Variants in DNM3 observed in about 807,000 individuals in gnomAD.
DNM3 encodes dynamin-3.
A neutral mutation model predicts 101.6 loss-of-function variants in DNM3; 47 were observed. That is an observed-to-expected ratio of 0.46 (90% confidence interval 0.37 to 0.59). DNM3 has a LOEUF of 0.59. Ranked by LOEUF, DNM3 falls within the 20% of genes least tolerant of loss-of-function variation. The pLI, the probability that DNM3 is intolerant of heterozygous loss-of-function variation, is 0.00. For missense variants in DNM3, 849 were observed against 1,085.7 expected, an observed-to-expected ratio of 0.78 and a Z score of 3.06; for synonymous variants, 385 against 387.9, an observed-to-expected ratio of 0.99 and a Z score of 0.09.
intron 2 of DNM3, among the ~76,000 whole-genome samples, chr1:171,976,506 G>C (rs1288657729): frequency 6.6e-6 from 1 of 152,154 alleles, no homozygotes; most frequent in Non-Finnish European, 1.5e-5. Flanking sequence ...CATGAGAACA[G>C]AATAGGAAAG....
chr1:172,053,065 G>A (rs1031245477), intron 10 of DNM3, among the ~76,000 whole-genome samples: 2 of 151,998 alleles, frequency 1.3e-5, no homozygotes, highest in African/African-American at 2.4e-5. Flanking sequence ...ATACAGCTAT[G>A]CCTTTTGCCT....
chr1:172,092,789 G>A (rs776942657), intron 12 of DNM3, 35 bp from the exon 13 acceptor site: 19 of 1,533,118 alleles, frequency 1.2e-5, no homozygotes, highest in Middle Eastern at 1.7e-4. Context: ...AATTATATGT[G>A]TCTCTTCAGT....
intron 15 of DNM3, among the ~76,000 whole-genome samples, chr1:172,263,244 TA>T (rs2062734475): frequency 6.6e-6 from 1 of 152,192 alleles, no homozygotes; most frequent in Non-Finnish European, 1.5e-5. Flanking sequence ...ACAAACTGAT[TA>T]GAGAGAAATA....
chr1:172,251,348 GAAATATCCATGATATACTTTTT>G (rs2062163344), intron 14 of DNM3, among the ~76,000 whole-genome samples: 2 of 17,446 alleles, frequency 1.1e-4, no homozygotes, highest in Non-Finnish European at 4.1e-4. Flanking sequence ...AGACTTTTTA[GAAATATCCATGATATACTTTTT>G]TATTGCCTAG....
intron 10 of DNM3, among the ~76,000 whole-genome samples, chr1:172,062,593 G>T (rs539587233): frequency 6.6e-6 from 1 of 152,210 alleles, no homozygotes; most frequent in African/African-American, 2.4e-5. Context: ...GAGAAGGTGG[G>T]CTAACACTAG....
intron 1 of DNM3, among the ~76,000 whole-genome samples, chr1:171,918,472 A>G (rs2039897842): frequency 6.6e-6 from 1 of 152,242 alleles, no homozygotes. Flanking sequence ...CTGGACCATC[A>G]GAAGGAGACA....
intron 17 of DNM3, among the ~76,000 whole-genome samples, chr1:172,362,829 A>C (rs1021401463): frequency 9.9e-5 from 15 of 151,532 alleles, no homozygotes; most frequent in African/African-American, 3.6e-4. Context: ...AGATTCTTCC[A>C]TCATTCAGAC....
intron 10 of DNM3, among the ~76,000 whole-genome samples, chr1:172,054,824 T>TG (rs1236909966): frequency 6.6e-6 from 1 of 151,824 alleles, no homozygotes; most frequent in South Asian, 2.1e-4. Flanking sequence ...CCAATCATGG[T>TG]GGGGGGTGCC....
intron 10 of DNM3, among the ~76,000 whole-genome samples, chr1:172,052,270 G>T (rs902135476): frequency 1.3e-4 from 20 of 152,048 alleles, no homozygotes; most frequent in Non-Finnish European, 1.5e-5. Flanking sequence ...TCAAGGGGGT[G>T]GGGGGTGGTT....
chr1:172,381,739 T>G (rs2068919500), intron 18 of DNM3, among the ~76,000 whole-genome samples: 1 of 152,200 alleles, frequency 6.6e-6, no homozygotes, highest in African/African-American at 2.4e-5. Flanking sequence ...ATGAAAGAAC[T>G]AATAATAAAA....
chr1:172,296,553 C>T (rs2064171403), intron 15 of DNM3, among the ~76,000 whole-genome samples: 1 of 152,188 alleles, frequency 6.6e-6, no homozygotes, highest in Non-Finnish European at 1.5e-5. Context: ...CAGAAAGAGA[C>T]TTCTGACTAT....
chr1:172,336,072 G>A (rs935182922), intron 17 of DNM3, among the ~76,000 whole-genome samples: 9 of 152,096 alleles, frequency 5.9e-5, no homozygotes, highest in African/African-American at 1.2e-4. Flanking sequence ...TGTCACAGCC[G>A]GGTTGGGGGT....
chr1:172,067,231 T>C (rs1172381520), intron 10 of DNM3, among the ~76,000 whole-genome samples: 7 of 152,218 alleles, frequency 4.6e-5, no homozygotes, highest in African/African-American at 1.4e-4. Flanking sequence ...TTAAATCATA[T>C]TCTTTGCCTA....
chr1:171,956,264 T>G (rs777971657), intron 2 of DNM3, among the ~76,000 whole-genome samples: 12 of 152,092 alleles, frequency 7.9e-5, no homozygotes, highest in Non-Finnish European at 1.3e-4. Context: ...GCCTGTAAAA[T>G]CAAAAGTAAG....
chr1:172,366,273 C>T (rs574065060), intron 17 of DNM3, among the ~76,000 whole-genome samples: 3 of 151,822 alleles, frequency 2.0e-5, no homozygotes, highest in African/African-American at 7.3e-5. Context: ...GTATTCCTTG[C>T]TTTTGAAAAA....
intron 20 of DNM3, among the ~76,000 whole-genome samples, chr1:172,407,483 T>C (rs1365595291): frequency 1.3e-5 from 2 of 152,074 alleles, no homozygotes; most frequent in Admixed American, 6.6e-5. Flanking sequence ...GGCTAAGATA[T>C]GTGCAGTACG....
intron 13 of DNM3, among the ~76,000 whole-genome samples, chr1:172,125,714 A>G (rs1342145906): frequency 6.6e-6 from 1 of 152,186 alleles, no homozygotes; most frequent in Non-Finnish European, 1.5e-5. Context: ...TAGTCATGTA[A>G]TTATGGGTTT....
chr1:171,998,992 T>G (rs1572021329), intron 4 of DNM3, among the ~76,000 whole-genome samples: 1 of 151,970 alleles, frequency 6.6e-6, no homozygotes, highest in Admixed American at 6.6e-5. Context: ...TCATGTGGGG[T>G]TTTGTAGATC....
intron 2 of DNM3, among the ~76,000 whole-genome samples, chr1:171,985,628 AAGAT>A (rs1204952429): frequency 1.3e-5 from 2 of 152,236 alleles, no homozygotes; most frequent in African/African-American, 4.8e-5. Context: ...TGGAGAAACT[AAGAT>A]AGAAAGAGAA....
Sources: gnomAD v4.1 joint callset for allele counts (sites outside exome capture counted in the v4.1 genomes callset) on GRCh38, gnomAD v4.1.1 for gene constraint, MANE v1.5 for transcripts, NCBI Gene and HGNC (gene_info 2026-07-23, HGNC 2026-07-21) for gene names.